Variants in DOCK8 observed in about 807,000 individuals in gnomAD.
DOCK8 encodes the protein dedicator of cytokinesis protein 8.
DOCK8 carries 141 observed loss-of-function variants against 245.6 expected under a neutral mutation model. The ratio of observed to expected loss-of-function variants is 0.57; its 90% CI spans 0.50 to 0.66. DOCK8 has a LOEUF of 0.66. Ranked by LOEUF, DOCK8 falls within the 30% of genes least tolerant of loss-of-function variation. The pLI is 0.00. For missense variants in DOCK8, 2,965 were observed against 2,603.4 expected (o/e 1.14, Z -3.02); for synonymous variants, 1,168 against 970.2 (o/e 1.20, Z -3.79).
Position 377,169 on chromosome 9 carries a change from T to C in DOCK8, c.2398T>C (p.Phe800Leu), listed in dbSNP as rs914719245. 1.9e-6 allele frequency: 3 copies of C among 1,603,750 alleles called. No homozygotes were observed. The highest frequency in any genetic ancestry group is 2.7e-5 in the African/African-American group (2 of 74,914). ...LFLHLVLDKL[F>L]QLSVQPMVIA... is the part of the protein sequence containing the mutation. ...CCTGCACCTGGTGCTGGACAAGCTC[T>C]TCCAGCTGTCCGTGCAGCCCATGGT... Residue 800 changes from phenylalanine to leucine, a missense_variant, in exon 20 of 48, where the codon TTC becomes CTC. Physicochemically the swap from Phe to Leu is conservative, Grantham distance 22. Around this residue, in one of 3 missense-constraint regions of DOCK8, gnomAD observed 2,825 missense variants for 2,453.5 expected, o/e 1.15. Transcript: ENST00000432829.
intron 1 of DOCK8, among the ~76,000 whole-genome samples, chr9:247,170 C>G (rs758593727): frequency 6.6e-6 from 1 of 152,134 alleles, no homozygotes; most frequent in Non-Finnish European, 1.5e-5. Context: ...GAATATAGTT[C>G]TACATAAATT....
intron 2 of DOCK8, among the ~76,000 whole-genome samples, chr9:274,680 T>C (rs2048277042): frequency 6.6e-6 from 1 of 152,158 alleles, no homozygotes. Context: ...AAATTTCTTT[T>C]CATGGAAAGA....
At chr9:266,996 G>A (rs894180661) in intron 1 of DOCK8, among the ~76,000 whole-genome samples, 1 of 152,124 alleles carries the variant, frequency 6.6e-6, no homozygotes, top group Non-Finnish European at 1.5e-5. Context: ...ACCTGCTTTG[G>A]CTATGTTCCT....
At chr9:393,398 A>G (rs1436478589) in intron 24 of DOCK8, among the ~76,000 whole-genome samples, 1 of 152,210 alleles carries the variant, frequency 6.6e-6, no homozygotes, top group East Asian at 1.9e-4. Flanking sequence ...TGTGCCAGGC[A>G]GTGTTTTAAG....
At chr9:455,859 A>G (rs2057622957) in intron 46 of DOCK8, among the ~76,000 whole-genome samples, 1 of 152,176 alleles carries the variant, frequency 6.6e-6, no homozygotes, top group African/African-American at 2.4e-5. Context: ...ACAAAAAAAA[A>G]AGCAAACATG....
At chr9:330,623 C>T (rs925626104) in intron 9 of DOCK8, among the ~76,000 whole-genome samples, 2 of 151,972 alleles carry the variant, frequency 1.3e-5, no homozygotes, top group Non-Finnish European at 1.5e-5. Context: ...ACCTGACATA[C>T]CATAATTAGG....
intron 22 of DOCK8, among the ~76,000 whole-genome samples, chr9:385,062 G>A (rs1380771352): frequency 6.6e-6 from 1 of 152,218 alleles, no homozygotes; most frequent in African/African-American, 2.4e-5. Flanking sequence ...GTGCTGGAGT[G>A]AGCTCATACC....
At chr9:367,408 A>C (rs1292245405) in intron 14 of DOCK8, among the ~76,000 whole-genome samples, 2 of 152,206 alleles carry the variant, frequency 1.3e-5, no homozygotes, top group African/African-American at 2.4e-5. Flanking sequence ...TAATAATGCA[A>C]ATAGAAAGAA....
intron 1 of DOCK8, among the ~76,000 whole-genome samples, chr9:267,343 C>G (rs1383502200): frequency 6.6e-6 from 1 of 152,128 alleles, no homozygotes; most frequent in African/African-American, 2.4e-5. Context: ...GTAGCTGGGA[C>G]TACAGGCACA....
At chr9:351,801 C>T (rs186624985) in intron 14 of DOCK8, among the ~76,000 whole-genome samples, 1 of 152,324 alleles carries the variant, frequency 6.6e-6, no homozygotes, top group East Asian at 1.9e-4. Context: ...CAACAGTCTT[C>T]CCTAGACAGC....
chr9:251,726 A>T (rs648745), intron 1 of DOCK8, among the ~76,000 whole-genome samples: 33,868 of 151,982 alleles, frequency 0.22, 4,415 homozygotes, highest in East Asian at 0.39. Context: ...TACCTCCCTC[A>T]TAGAGTTGTT....
At position 439,145 on chromosome 9, in the gene DOCK8, A is replaced by G. The variant is rs768335051; in HGVS notation, c.5080-100A>G. 2.0e-5 allele frequency: 29 copies of G among 1,470,424 alleles called. 1 individual carries two copies. Among genetic ancestry groups the G allele is most frequent in the Admixed American group, 3.4e-5 (2 of 59,684 alleles). The allele number at this position is 1,470,424 out of a possible 1,614,324, so 91.1% of individuals were successfully genotyped here. ...TAGTTTAGTCACGGTCTTGGTAAGGATCTGCACACCAGCTTCCTCGTTTCC... is the reference window on the plus strand; with the variant it reads ...TAGTTTAGTCACGGTCTTGGTAAGGGTCTGCACACCAGCTTCCTCGTTTCC... On this transcript the variant is annotated intron_variant, in intron 39 of 47. Coordinates refer to ENST00000432829, the MANE Select transcript of DOCK8 (RefSeq NM_203447.4).
rs1416043921 is a variant in DOCK8, at chr9:370,230, G to T, written c.1798G>T (p.Val600Phe). The T allele has an allele frequency of 6.2e-7, 1 of 1,613,624 alleles. No individual in the cohort carries two copies. ...TGATCCTTTCTCTACTGGTGAACAGGTCATCTTTGGAAAATCCAGCGGGCC... is the reference window on the plus strand; with the variant it reads ...TGATCCTTTCTCTACTGGTGAACAGTTCATCTTTGGAAAATCCAGCGGGCC... ...CGEDASNAMP[V>F]IFGKSSGPEF... is the part of the protein sequence containing the mutation. Residue 600 changes from valine to phenylalanine, a missense_variant and splice_region_variant, in exon 16 of 48, where the codon GTC (valine) becomes TTC (phenylalanine). Physicochemically the swap from Val to Phe is conservative, Grantham distance 50 (BLOSUM62 -1). Around this residue, in one of 3 missense-constraint regions of DOCK8, gnomAD observed 2,825 missense variants for 2,453.5 expected, o/e 1.15. Coordinates refer to ENST00000432829, the MANE Select transcript of DOCK8 (RefSeq NM_203447.4).
chr9:212,478 A>G (rs1313404070), upstream of DOCK8, among the ~76,000 whole-genome samples: 1 of 152,224 alleles, frequency 6.6e-6, no homozygotes, highest in Non-Finnish European at 1.5e-5. Context: ...GGCTGATGGA[A>G]AACGAAAGAG....
intron 14 of DOCK8, among the ~76,000 whole-genome samples, chr9:342,713 C>T (rs2051669059): frequency 6.6e-6 from 1 of 152,168 alleles, no homozygotes; most frequent in Non-Finnish European, 1.5e-5. Flanking sequence ...CGTGATCCAC[C>T]TGCCTCGGCC....
At chr9:431,063 C>T (rs1275365515) in intron 36 of DOCK8, among the ~76,000 whole-genome samples, 1 of 151,922 alleles carries the variant, frequency 6.6e-6, no homozygotes, top group South Asian at 2.1e-4. Flanking sequence ...TTTGTTGAGA[C>T]AGGGTCTTGC....
intron 1 of DOCK8, among the ~76,000 whole-genome samples, chr9:259,666 T>C (rs974058405): frequency 1.3e-5 from 2 of 152,256 alleles, no homozygotes; most frequent in African/African-American, 2.4e-5. Context: ...GGCATCATTT[T>C]CTGTTTTCAC....
Position 464,157 on chromosome 9 carries a change from A to C in DOCK8, c.6240-2A>C. ...CTCCTCCCTCTCTTTTCTTAATTTC[A>C]GGGACTCCTTCCACAGATCTAGTTT... On this transcript the variant is annotated splice_acceptor_variant, in intron 47 of 47. Transcript: ENST00000432829. LOFTEE classifies it high-confidence loss of function. The C allele has an allele frequency of 1.2e-6, 2 of 1,612,404 alleles. No individual in the cohort carries two copies. Among genetic ancestry groups the C allele is most frequent in the Non-Finnish European group, 1.7e-6 (2 of 1,178,506 alleles).
chr9:392,250 G>A (rs953752370), intron 24 of DOCK8, among the ~76,000 whole-genome samples: 1 of 151,970 alleles, frequency 6.6e-6, no homozygotes, highest in Non-Finnish European at 1.5e-5. Flanking sequence ...CTGAACAATA[G>A]GACACAGAGA....
Sources: gnomAD v4.1 joint callset for allele counts (sites outside exome capture counted in the v4.1 genomes callset) on GRCh38, gnomAD v4.1.1 for gene constraint, gnomAD v4.1.1 regional missense constraint, MANE v1.5 for transcripts, NCBI Gene and HGNC (gene_info 2026-07-23, HGNC 2026-07-21) for gene names.